Variants in IGF1R observed in about 807,000 individuals in gnomAD.
The protein encoded by IGF1R is insulin like growth factor 1 receptor.
IGF1R carries 44 observed loss-of-function variants against 144.6 expected under a neutral mutation model. The ratio of observed to expected loss-of-function variants is 0.30; its 90% CI spans 0.24 to 0.39. The LOEUF (loss-of-function observed/expected upper bound fraction) is 0.39. IGF1R is among the 10% of genes least tolerant of loss of function. The pLI, the probability that IGF1R is intolerant of heterozygous loss-of-function variation, is 1.00. For synonymous variants in IGF1R, 795 were observed against 722.8 expected, an observed-to-expected ratio of 1.10 and a Z score of -1.60; for missense variants, 1,355 against 1,833.7, an observed-to-expected ratio of 0.74 and a Z score of 4.77.
At chr15:98,854,830 T>G (rs1208729979) in intron 2 of IGF1R, among the ~76,000 whole-genome samples, 1 of 152,038 alleles carries the variant, frequency 6.6e-6, no homozygotes, top group Non-Finnish European at 1.5e-5. Context: ...GTGTTCTGGT[T>G]CCCCCTTTCC....
intron 1 of IGF1R, among the ~76,000 whole-genome samples, chr15:98,693,520 C>T (rs1272009621): frequency 6.6e-6 from 1 of 152,184 alleles, no homozygotes; most frequent in Admixed American, 6.5e-5. Flanking sequence ...TTCTGCCTCC[C>T]TGGTGCACTG....
chr15:98,835,106 CA>C (rs1401187574), intron 2 of IGF1R, among the ~76,000 whole-genome samples: 2,224 of 149,556 alleles, frequency 0.015, 24 homozygotes, highest in Non-Finnish European at 0.02. Context: ...CACACACACA[CA>C]CACCCCTACA....
chr15:98,649,541 TTTTTTTTTGA>T lies in IGF1R; in HGVS notation c.-40_-31del, dbSNP rs759662919. 1 of 835,718 alleles carries T rather than the reference TTTTTTTTTGA, an allele frequency of 1.2e-6. No individual in the cohort carries two copies. Among genetic ancestry groups the T allele is most frequent in the Non-Finnish European group, 1.9e-6 (1 of 533,858 alleles). 51.8% of individuals were successfully genotyped at this position (835,718 alleles called of 1,614,324 possible). A position where few individuals can be genotyped will look rare whatever the true frequency, so the allele number is the denominator to read the frequency against. On this transcript the variant is annotated 5_prime_UTR_variant, in exon 1 of 21. Transcript: ENST00000650285. ...TTTTCTTTTCTTTTTTTTTTTTTTT[TTTTTTTTTGA>T]GAAAGGGGAATTTCATCCCAAATAA...
At chr15:98,717,824 A>T (rs909130147) in intron 2 of IGF1R, among the ~76,000 whole-genome samples, 1 of 152,178 alleles carries the variant, frequency 6.6e-6, no homozygotes, top group Non-Finnish European at 1.5e-5. Context: ...GGGCACAGTT[A>T]TTGGTAAAGA....
chr15:98,922,422 A>C lies in IGF1R; in HGVS notation c.2476A>C (p.Met826Leu). ...SASNFVFART[M>L]PAEGADDIPG... ...CTCCAACTTCGTCTTTGCAAGGACT[A>C]TGCCCGCAGGTATGGTATGATCCAG... is the stretch of plus-strand genomic sequence containing the variant. Residue 826 changes from methionine (M) to leucine (L), a missense_variant, in exon 11 of 21, where the codon ATG becomes CTG. Transcript: ENST00000650285. 6.2e-7 allele frequency: 1 copy of C among 1,610,890 alleles called. No homozygotes were observed. The highest frequency in any genetic ancestry group is 1.1e-5 in the South Asian group (1 of 91,054).
intron 3 of IGF1R, among the ~76,000 whole-genome samples, chr15:98,892,526 C>T (rs1219275894): frequency 1.6e-5 from 1 of 61,468 alleles, no homozygotes; most frequent in Non-Finnish European, 2.9e-5. Context: ...CACTCTGTCT[C>T]CAAAAAAAAA....
intron 1 of IGF1R, among the ~76,000 whole-genome samples, chr15:98,706,494 A>T (rs1350754449): frequency 6.6e-6 from 1 of 152,158 alleles, no homozygotes; most frequent in Non-Finnish European, 1.5e-5. Flanking sequence ...TCCTAAGAAA[A>T]TAGTCTTGGG....
At chr15:98,836,755 C>CT (rs1418035408) in intron 2 of IGF1R, among the ~76,000 whole-genome samples, 1 of 152,128 alleles carries the variant, frequency 6.6e-6, no homozygotes, top group Non-Finnish European at 1.5e-5. Context: ...AAAAATGTGT[C>CT]TATCTTTGCT....
intron 2 of IGF1R, among the ~76,000 whole-genome samples, chr15:98,709,491 T>C (rs1372795377): frequency 6.6e-6 from 1 of 152,238 alleles, no homozygotes; most frequent in African/African-American, 2.4e-5. Flanking sequence ...AGGGAGATCT[T>C]ATGCTAAAGT....
At position 98,961,679 on chromosome 15, in the gene IGF1R, C is replaced by T. The variant is rs1011751399; in HGVS notation, c.*4237C>T. On this transcript the variant is annotated 3_prime_UTR_variant, in exon 21 of 21. Coordinates refer to ENST00000650285, the MANE Select transcript of IGF1R (RefSeq NM_000875.5). ...TTGATGTGAGCATTAAGACGTTCTC[C>T]CACACAGCCCTTCCCTGAGGCAGCA... 11 of 233,598 alleles carry T rather than the reference C, an allele frequency of 4.7e-5. No individual in the cohort carries two copies. Among genetic ancestry groups the T allele is most frequent in the African/African-American group, 2.2e-4 (10 of 45,332 alleles). The allele number at this position is 233,598 out of a possible 1,614,324, so 14.5% of individuals were successfully genotyped here. A position where few individuals can be genotyped will look rare whatever the true frequency, so the allele number is the denominator to read the frequency against.
chr15:98,921,566 G>T (rs1420894586), intron 10 of IGF1R, among the ~76,000 whole-genome samples: 1 of 152,098 alleles, frequency 6.6e-6, no homozygotes, highest in Non-Finnish European at 1.5e-5. Flanking sequence ...GGGGTTGGGG[G>T]TGGGCTCGCA....
At chr15:98,869,677 C>G (rs926380801) in intron 2 of IGF1R, among the ~76,000 whole-genome samples, 2 of 152,116 alleles carry the variant, frequency 1.3e-5, no homozygotes, top group African/African-American at 4.8e-5. Flanking sequence ...TCAGGTGATC[C>G]ACGCGCCTCA....
chr15:98,708,312 C>T (rs897244209), intron 2 of IGF1R, among the ~76,000 whole-genome samples: 2 of 152,124 alleles, frequency 1.3e-5, no homozygotes, highest in Admixed American at 6.5e-5. Flanking sequence ...TCTTGGATTG[C>T]GGGACTGTGG....
intron 2 of IGF1R, among the ~76,000 whole-genome samples, chr15:98,789,241 C>G (rs745876105): frequency 6.6e-6 from 1 of 152,222 alleles, no homozygotes; most frequent in Non-Finnish European, 1.5e-5. Context: ...GAAGAAAACC[C>G]TCACTGAGTT....
Position 98,702,054 on chromosome 15 carries a change from T to TTC in IGF1R, c.95-5508_95-5507insTC, listed in dbSNP as rs1555433471. 1.2e-4 allele frequency among the ~76,000 whole-genome samples: 18 copies of TTC among 150,304 alleles called. No homozygotes were observed. In the East Asian group the frequency reaches 1.8e-3, roughly 15 times the overall value. ...CGCTGTTTTTTTTTTTTTTTTTTTTTCCTAGGACCTCAAGGTTGTGTCTAA... is the reference window on the plus strand; with the variant it reads ...CGCTGTTTTTTTTTTTTTTTTTTTTTTCCCTAGGACCTCAAGGTTGTGTCTAA... On this transcript the variant is annotated intron_variant, in intron 1 of 20. Transcript: ENST00000650285.
At chr15:98,677,592 C>T (rs529995431) in intron 1 of IGF1R, among the ~76,000 whole-genome samples, 11 of 152,284 alleles carry the variant, frequency 7.2e-5, no homozygotes, top group Admixed American at 7.2e-4. Flanking sequence ...CTGTGAGGTG[C>T]TCAAAGAGGG....
chr15:98,957,113 T>C lies in IGF1R; in HGVS notation c.3775T>C (p.Phe1259Leu). 1 of 1,614,228 alleles carries C rather than the reference T, an allele frequency of 6.2e-7. No homozygotes were observed. Among genetic ancestry groups the C allele is most frequent in the Non-Finnish European group, 8.5e-7 (1 of 1,180,026 alleles). ...GTATAACCCCAAGATGAGGCCTTCC[T>C]TCCTGGAGATCATCAGCAGCATCAA... ...WQYNPKMRPS[F>L]LEIISSIKEE... is the part of the protein sequence containing the mutation. The change falls in exon 21 of 21, where the codon TTC becomes CTC. Residue 1259 changes from phenylalanine (F) to leucine (L), a missense_variant. Physicochemically the swap from Phe to Leu is conservative, Grantham distance 22. This residue lies in a region of IGF1R where 219 missense variants were observed against 188.8 expected (regional missense o/e 1.16). Coordinates refer to ENST00000650285, the MANE Select transcript of IGF1R (RefSeq NM_000875.5).
At chr15:98,789,950 A>G (rs530548199) in intron 2 of IGF1R, among the ~76,000 whole-genome samples, 1 of 152,332 alleles carries the variant, frequency 6.6e-6, no homozygotes, top group East Asian at 1.9e-4. Context: ...CTGTCTGCCA[A>G]CATTTAGTGT....
chr15:98,917,073 G>A, intron 10 of IGF1R, 197 bp downstream of exon 10: 1 of 659,336 alleles, frequency 1.5e-6, no homozygotes, highest in Non-Finnish European at 2.8e-6. Flanking sequence ...AGGGAACAGG[G>A]ACCAGGGCTT....
Sources: gnomAD v4.1 joint callset for allele counts (sites outside exome capture counted in the v4.1 genomes callset) on GRCh38, gnomAD v4.1.1 for gene constraint, gnomAD v4.1.1 regional missense constraint, MANE v1.5 for transcripts, NCBI Gene and HGNC (gene_info 2026-07-23, HGNC 2026-07-21) for gene names.